Variants in SHC2 observed in about 807,000 individuals in gnomAD.
The protein encoded by SHC2 is SHC adaptor protein 2.
A neutral mutation model predicts 60.6 loss-of-function variants in SHC2; 62 were observed. The observed-to-expected ratio is 1.02, with a 90% CI of 0.83 to 1.26. SHC2 has a LOEUF of 1.26. SHC2 is among the 50% of genes most tolerant of loss of function. SHC2 has a pLI of 0.00. For missense variants in SHC2, 873 were observed against 822.2 expected (o/e 1.06, Z -0.76); for synonymous variants, 375 against 372.4 (o/e 1.01, Z -0.08).
At chr19:447,573 G>A (rs977974038) in intron 1 of SHC2, among the ~76,000 whole-genome samples, 1 of 152,212 alleles carries the variant, frequency 6.6e-6, no homozygotes, top group Non-Finnish European at 1.5e-5. Flanking sequence ...GAGGTCAGGA[G>A]CTCAGGACTA....
chr19:428,399 T>C (rs148505026), intron 9 of SHC2, among the ~76,000 whole-genome samples: 1 of 152,174 alleles, frequency 6.6e-6, no homozygotes. Flanking sequence ...AGGCCTGCAA[T>C]CAACGCAGAT....
chr19:422,730 T>C lies in SHC2; in HGVS notation c.1310-274A>G. On this transcript the variant is annotated intron_variant, in intron 10 of 12. Transcript: ENST00000264554. This position sits in a 1 kb window ranked among gnomAD's most constrained non-coding sequence, Gnocchi z 5.0. ...AACAGCAGCTCTTTCTTTCAGAGGTTAACTCCTATTTCTTTTTCCTGCCTT... is the reference window on the plus strand; with the variant it reads ...AACAGCAGCTCTTTCTTTCAGAGGTCAACTCCTATTTCTTTTTCCTGCCTT... 1 of 375,006 alleles carries C rather than the reference T, an allele frequency of 2.7e-6. No individual in the cohort carries two copies. The highest frequency in any genetic ancestry group is 8.5e-5 in the South Asian group (1 of 11,730). The allele number at this position is 375,006 out of a possible 1,614,324, so 23.2% of individuals were successfully genotyped here. A position where few individuals can be genotyped will look rare whatever the true frequency, so the allele number is the denominator to read the frequency against.
At chr19:460,463 G>A in intron 1 of SHC2, 66 bp downstream of exon 1, 4 of 843,968 alleles carry the variant, frequency 4.7e-6, no homozygotes, top group Non-Finnish European at 4.6e-6. Flanking sequence ...CGGGGGTCCC[G>A]GAGGAGAGGG....
In SHC2 at chr19:449,539, C is replaced by A. The variant is rs917308788; in HGVS notation, c.469-8607G>T. Among the ~76,000 whole-genome samples, 11 of 152,154 alleles carry A rather than the reference C, an allele frequency of 7.2e-5. 2 individuals are homozygous for A. In the South Asian group the frequency reaches 2.3e-3, roughly 31 times the overall value. ...ATACCATAGCTATGCTGGAGAAAATCCTTGTCCTTAGACTATATACCCTAG... is the reference window on the plus strand; with the variant it reads ...ATACCATAGCTATGCTGGAGAAAATACTTGTCCTTAGACTATATACCCTAG... On this transcript the variant is annotated intron_variant, in intron 1 of 12. Transcript: ENST00000264554.
rs181362749 is a variant in SHC2, at chr19:421,571, T to C, written c.1620+575A>G. Among the ~76,000 whole-genome samples, 11 of 152,260 alleles carry C rather than the reference T, an allele frequency of 7.2e-5. No homozygotes were observed. In the East Asian group the frequency reaches 1.7e-3, roughly 24 times the overall value. On this transcript the variant is annotated intron_variant, in intron 11 of 12. Transcript: ENST00000264554. ...AATAAATTAGAACCTGAAAATACCA[T>C]ATTTATCCCTCAGATACATCACCAT...
Position 422,582 on chromosome 19 carries a change from G to T in SHC2, c.1310-126C>A. 1.3e-6 allele frequency: 1 copy of T among 760,092 alleles called. No individual in the cohort carries two copies. The highest frequency in any genetic ancestry group is 2.1e-6 in the Non-Finnish European group (1 of 480,430). The allele number at this position is 760,092 out of a possible 1,614,324, so 47.1% of individuals were successfully genotyped here. A position where few individuals can be genotyped will look rare whatever the true frequency, so the allele number is the denominator to read the frequency against. ...GCACCCGTCGGCCTGCGCTGACCGA[G>T]CGCCCACAGCGTATCAGACTCGCAC... On this transcript the variant is annotated intron_variant, in intron 10 of 12. Transcript: ENST00000264554. This position sits in a 1 kb window ranked among gnomAD's most constrained non-coding sequence, Gnocchi z 5.0.
intron 1 of SHC2, 89 bp downstream of exon 1, chr19:460,440 G>T: frequency 1.7e-6 from 1 of 574,664 alleles, no homozygotes; most frequent in Non-Finnish European, 2.5e-6. Context: ...GGGGACACCT[G>T]GCTCGCGGGG....
At chr19:431,139 T>C (rs1317075118) in intron 8 of SHC2, among the ~76,000 whole-genome samples, 1 of 152,244 alleles carries the variant, frequency 6.6e-6, no homozygotes, top group Non-Finnish European at 1.5e-5. Flanking sequence ...ATGGACATCC[T>C]CACTGCCTCT....
chr19:431,726 G>A (rs1318633485), intron 8 of SHC2, among the ~76,000 whole-genome samples: 1 of 19,338 alleles, frequency 5.2e-5, no homozygotes, highest in East Asian at 3.9e-3. Flanking sequence ...GATAGATAGC[G>A]CTTCATCGTG....
At chr19:434,682 C>G (rs1355738725) in intron 8 of SHC2, 27 bp downstream of exon 8, 1 of 1,580,632 alleles carries the variant, frequency 6.3e-7, no homozygotes, top group Admixed American at 1.8e-5. Flanking sequence ...CATCCCTGTC[C>G]CCATCCCCCC....
chr19:439,710 A>C (rs369133266), intron 2 of SHC2, among the ~76,000 whole-genome samples: 19 of 152,182 alleles, frequency 1.2e-4, no homozygotes, highest in African/African-American at 4.6e-4. Flanking sequence ...CCTGCCTGTC[A>C]TCCTAGCACT....
chr19:442,990 C>CAG (rs1974941448), intron 1 of SHC2, among the ~76,000 whole-genome samples: 1 of 12,254 alleles, frequency 8.2e-5, no homozygotes, highest in Non-Finnish European at 1.5e-4. Flanking sequence ...TGGATGGATG[C>CAG]ATGGGTGGGT....
intron 1 of SHC2, among the ~76,000 whole-genome samples, chr19:456,969 CCA>C (rs1301000573): frequency 2.1e-5 from 3 of 144,998 alleles, no homozygotes; most frequent in Non-Finnish European, 3.0e-5. Context: ...TCTGTAAACT[CCA>C]CAGTCAGGCC....
intron 4 of SHC2, 26 bp from the exon 5 acceptor site, chr19:436,709 T>C: frequency 6.3e-7 from 1 of 1,596,764 alleles, no homozygotes; most frequent in Non-Finnish European, 8.5e-7. Flanking sequence ...GCACACGCGG[T>C]CATGGGGGCC....
chr19:440,598 C>T lies in SHC2; in HGVS notation c.539+264G>A, dbSNP rs79628497. On this transcript the variant is annotated intron_variant, in intron 2 of 12. Transcript: ENST00000264554. The surrounding 1 kb of genome is among the most constrained non-coding windows in gnomAD (Gnocchi z 7.0). ...GCCAGGCCCTGCACCCCACGCCGTG[C>T]GGGGACTTGCCCAGCACCCTGTGAG... Among the ~76,000 whole-genome samples, 2,359 of 152,328 alleles carry T rather than the reference C, an allele frequency of 0.015. 70 individuals carry two copies. Among genetic ancestry groups the T allele is most frequent in the East Asian group, 0.11 (583 of 5,168 alleles).
At chr19:427,797 C>T (rs1974459107) in intron 9 of SHC2, among the ~76,000 whole-genome samples, 1 of 93,404 alleles carries the variant, frequency 1.1e-5, no homozygotes, top group South Asian at 5.1e-4. Context: ...CAGGGGACGG[C>T]GCACAGCACA....
intron 12 of SHC2, among the ~76,000 whole-genome samples, chr19:417,606 C>T (rs1026907140): frequency 1.3e-5 from 2 of 152,250 alleles, no homozygotes; most frequent in East Asian, 1.9e-4. Context: ...TGAGCACATT[C>T]CTGGGACAGG....
rs528741666 is a variant in SHC2, at chr19:434,180, A to G, written c.1110+529T>C. 4.1e-5 allele frequency among the ~76,000 whole-genome samples: 5 copies of G among 120,826 alleles called. No homozygotes were observed. The East Asian group carries it at 1.3e-3, about 31-fold the overall frequency. 79.3% of individuals were successfully genotyped at this position (120,826 alleles called of 152,430 possible). On this transcript the variant is annotated intron_variant, in intron 8 of 12. Coordinates refer to ENST00000264554, the MANE Select transcript of SHC2 (RefSeq NM_012435.3). ...TGAGATAGTGAGTGAGAGATAGAGG[A>G]GGCCGGGCAGATACACGGCGCCCCA...
At chr19:421,467 G>A (rs7408305) in intron 11 of SHC2, among the ~76,000 whole-genome samples, 12 of 150,134 alleles carry the variant, frequency 8.0e-5, no homozygotes, top group African/African-American at 2.0e-4. Flanking sequence ...GGGAGAGAGG[G>A]AGGAAGAAGG....
Sources: gnomAD v4.1 joint callset for allele counts (sites outside exome capture counted in the v4.1 genomes callset) on GRCh38, gnomAD v4.1.1 for gene constraint, Gnocchi (gnomAD v3.1) non-coding constraint, MANE v1.5 for transcripts, NCBI Gene and HGNC (gene_info 2026-07-23, HGNC 2026-07-21) for gene names.